Variants in MAOB observed in about 807,000 individuals in gnomAD.
MAOB encodes the protein monoamine oxidase B, also known as amine oxidase [flavin-containing] B.
A neutral mutation model predicts 41.9 loss-of-function variants in MAOB; 15 were observed. The ratio of observed to expected loss-of-function variants is 0.36; its 90% confidence interval spans 0.24 to 0.55. The LOEUF is 0.55. Ranked by LOEUF, MAOB falls within the 20% of genes least tolerant of loss-of-function variation. MAOB has a pLI of 0.86. For missense variants in MAOB, 345 were observed against 398.7 expected, an observed-to-expected ratio of 0.87 and a Z score of 1.15; for synonymous variants, 167 against 144.2, an observed-to-expected ratio of 1.16 and a Z score of -1.13.
At position 43,834,248 on chromosome X, in the gene MAOB, C is replaced by T. The variant is rs754897140; in HGVS notation, c.279+4620G>A. 1.1e-3 allele frequency among the ~76,000 whole-genome samples: 120 copies of T among 111,291 alleles called. 2 individuals carry two copies. Among genetic ancestry groups the T allele is most frequent in the African/African-American group, 3.9e-3 (118 of 30,622 alleles). ...AAAACAAGAGTTGGTCTAACCTGTT[C>T]CTGGAGACTTCTGTCTTTATGAGAG... On this transcript the variant is annotated intron_variant, in intron 3 of 14. Coordinates refer to ENST00000378069, the MANE Select transcript of MAOB (RefSeq NM_000898.5).
At chrX:43,842,254 G>A (rs986668967) in intron 2 of MAOB, among the ~76,000 whole-genome samples, 1 of 112,492 alleles carries the variant, frequency 8.9e-6, no homozygotes, top group Non-Finnish European at 1.9e-5. Context: ...CAAAGGAACT[G>A]AACAGACACT....
chrX:43,814,216 C>T (rs2034781837), intron 3 of MAOB, among the ~76,000 whole-genome samples: 1 of 110,716 alleles, frequency 9.0e-6, no homozygotes, highest in African/African-American at 3.3e-5. Context: ...CAAATTCAAG[C>T]TCCTGTGCCT....
intron 7 of MAOB, among the ~76,000 whole-genome samples, chrX:43,793,826 C>T (rs1279571253): frequency 2.7e-5 from 3 of 111,461 alleles, no homozygotes; most frequent in Admixed American, 1.9e-4. Flanking sequence ...GGGCCCGTTA[C>T]ATCACTGATC....
chrX:43,834,209 A>T (rs1228111282), intron 3 of MAOB, among the ~76,000 whole-genome samples: 1 of 112,031 alleles, frequency 8.9e-6, no homozygotes, highest in Non-Finnish European at 1.9e-5. Flanking sequence ...AAAATGGGCA[A>T]CTGTTCCTGA....
At chrX:43,853,283 A>G (rs183794389) in intron 1 of MAOB, among the ~76,000 whole-genome samples, 113 of 108,666 alleles carry the variant, frequency 1.0e-3, no homozygotes, top group Non-Finnish European at 1.7e-3. Context: ...AAAAAAAAAA[A>G]AAAAAAGAAA....
At chrX:43,865,496 T>A (rs185137450) in intron 1 of MAOB, among the ~76,000 whole-genome samples, 34 of 111,928 alleles carry the variant, frequency 3.0e-4, no homozygotes, top group African/African-American at 1.0e-3. Flanking sequence ...GGGGTGATGA[T>A]CATAAGACCC....
rs143053714 is a variant in MAOB at position 43,874,627 on chromosome X, C to T, written c.46+7627G>A. On this transcript the variant is annotated intron_variant, in intron 1 of 14. Transcript: ENST00000378069. ...TACTAACTTTCCTTCCCATGTCTCC[C>T]CTTCCTTTTATTCTAGACAAGCTGG... Among the ~76,000 whole-genome samples the T allele has an allele frequency of 1.9e-4, 21 of 111,419 alleles. No homozygotes were observed. In the East Asian group the frequency reaches 4.0e-3, roughly 21 times the overall value.
intron 9 of MAOB, among the ~76,000 whole-genome samples, chrX:43,781,126 C>T (rs766298933): frequency 4.5e-5 from 5 of 111,199 alleles, no homozygotes; most frequent in Admixed American, 9.6e-5. Context: ...TAGTAAAACA[C>T]CCCAAGTCAG....
chrX:43,827,036 C>T (rs966175962), intron 3 of MAOB, among the ~76,000 whole-genome samples: 10 of 111,433 alleles, frequency 9.0e-5, no homozygotes, highest in Admixed American at 8.6e-4. Flanking sequence ...AATAATAAAG[C>T]AGAGAAAGCC....
rs1461276782 is a variant in MAOB, at chrX:43,857,134, G to T, written c.47-13370C>A. Reference sequence around the variant, plus strand: ...ATATATATAGAGAGAGAGAGAGAGAGAGAGAGAGAGAGAGAGAGAGAGAGA... The same window carrying T: ...ATATATATAGAGAGAGAGAGAGAGATAGAGAGAGAGAGAGAGAGAGAGAGA... On this transcript the variant is annotated intron_variant, in intron 1 of 14. Transcript: ENST00000378069. Among the ~76,000 whole-genome samples the T allele has an allele frequency of 4.1e-3, 185 of 44,737 alleles. 2 individuals are homozygous for T. Among genetic ancestry groups the T allele is most frequent in the Middle Eastern group, 0.013 (1 of 79 alleles). 38.8% of individuals were successfully genotyped at this position (44,737 alleles called of 115,157 possible).
chrX:43,801,702 C>T (rs1228203620), intron 5 of MAOB, among the ~76,000 whole-genome samples: 1 of 111,771 alleles, frequency 8.9e-6, no homozygotes, highest in Non-Finnish European at 1.9e-5. Context: ...CACATGTTTC[C>T]CCTGTAGTTG....
intron 12 of MAOB, among the ~76,000 whole-genome samples, chrX:43,772,563 T>A (rs1218834282): frequency 8.9e-6 from 1 of 111,970 alleles, no homozygotes; most frequent in African/African-American, 3.2e-5. Flanking sequence ...AATATCAAGT[T>A]TTGTATTCCT....
intron 1 of MAOB, among the ~76,000 whole-genome samples, chrX:43,856,115 G>C (rs2035285675): frequency 9.0e-6 from 1 of 111,237 alleles, no homozygotes; most frequent in Non-Finnish European, 1.9e-5. Flanking sequence ...ATGGAGTCTT[G>C]CTCTGTCTCC....
intron 3 of MAOB, among the ~76,000 whole-genome samples, chrX:43,832,750 G>GT (rs1447829575): frequency 9.0e-6 from 1 of 111,455 alleles, no homozygotes; most frequent in Admixed American, 9.6e-5. Flanking sequence ...ACTGCACAGG[G>GT]GGTCAGCACT....
At position 43,828,226 on chromosome X, in the gene MAOB, C is replaced by T. The variant is rs148848705; in HGVS notation, c.279+10642G>A. 3.1e-3 allele frequency among the ~76,000 whole-genome samples: 350 copies of T among 112,210 alleles called. 1 individual carries two copies. The highest frequency in any genetic ancestry group is 0.011 in the African/African-American group (328 of 30,910). On this transcript the variant is annotated intron_variant, in intron 3 of 14. Transcript: ENST00000378069. ...CCTAAGTATGAAGTTATACAGAAAG[C>T]AATGCTTCTTCTAACCCTATTATGT...
rs1242956258 is a variant in MAOB, at chrX:43,838,883, C to G, written c.264G>C (p.Leu88=). 3.3e-6 allele frequency: 4 copies of G among 1,199,150 alleles called. No individual in the cohort carries two copies. The highest frequency in any genetic ancestry group is 3.5e-5 in the African/African-American group (2 of 56,798). The stretch of plus-strand genomic sequence containing the variant: ...CTGATCTTACCTTTACATGGTGGAT[C>G]AGACGCTCAACCTCATTCACTTTGT... ...ETYKVNEVER[L]IHHVKGKSYP... Residue 88 remains leucine, a synonymous_variant, in exon 3 of 15, where the codon CTG becomes CTC. Coordinates refer to ENST00000378069, the MANE Select transcript of MAOB (RefSeq NM_000898.5).
chrX:43,807,990 T>A (rs755909940), intron 3 of MAOB, among the ~76,000 whole-genome samples: 1 of 111,707 alleles, frequency 9.0e-6, no homozygotes, highest in South Asian at 3.8e-4. Context: ...CCCACTATGG[T>A]CTCTGCAGAT....
At chrX:43,834,580 T>C (rs2035052772) in intron 3 of MAOB, among the ~76,000 whole-genome samples, 1 of 112,165 alleles carries the variant, frequency 8.9e-6, no homozygotes, top group Non-Finnish European at 1.9e-5. Context: ...GTTTCCCCTC[T>C]CTGCCTTTGT....
intron 3 of MAOB, among the ~76,000 whole-genome samples, chrX:43,806,363 G>T (rs2034661948): frequency 8.9e-6 from 1 of 111,776 alleles, no homozygotes; most frequent in Non-Finnish European, 1.9e-5. Context: ...AAGAATACGG[G>T]TCAGTTATCT....
Sources: gnomAD v4.1 joint callset for allele counts (sites outside exome capture counted in the v4.1 genomes callset) on GRCh38, gnomAD v4.1.1 for gene constraint, MANE v1.5 for transcripts, NCBI Gene and HGNC (gene_info 2026-07-23, HGNC 2026-07-21) for gene names.